The following HSDL2 variants were observed in gnomAD, a reference collection of about 807,000 sequenced individuals.
The protein encoded by HSDL2 is hydroxysteroid dehydrogenase-like protein 2.
A neutral mutation model predicts 46.3 loss-of-function variants in HSDL2; 27 were observed. The ratio of observed to expected loss-of-function variants is 0.58; its 90% CI spans 0.43 to 0.80. The LOEUF (loss-of-function observed/expected upper bound fraction) is 0.80. Ranked by LOEUF, HSDL2 falls within the 30% of genes least tolerant of loss-of-function variation. HSDL2 has a pLI of 0.00. For missense variants in HSDL2, 451 were observed against 502.7 expected (o/e 0.90, Z 0.98); for synonymous variants, 153 against 163.6 (o/e 0.94, Z 0.50).
At chr9:112,415,325 G>A (rs774072619) in intron 4 of HSDL2, among the ~76,000 whole-genome samples, 12 of 152,080 alleles carry the variant, frequency 7.9e-5, no homozygotes, top group Admixed American at 3.3e-4. Context: ...TAACAACAGC[G>A]ATTGTTTATT....
At chr9:112,384,568 T>C (rs1831178382) in intron 1 of HSDL2, among the ~76,000 whole-genome samples, 1 of 151,846 alleles carries the variant, frequency 6.6e-6, no homozygotes, top group Non-Finnish European at 1.5e-5. Flanking sequence ...TCCCAGCTAC[T>C]TGGGAAGCTG....
intron 1 of HSDL2, among the ~76,000 whole-genome samples, chr9:112,385,899 T>C (rs1489947172): frequency 5.3e-5 from 8 of 152,110 alleles, no homozygotes; most frequent in Non-Finnish European, 8.8e-5. Context: ...GAGCTGGGAT[T>C]ACAGGTGTTA....
intron 8 of HSDL2, among the ~76,000 whole-genome samples, chr9:112,449,325 G>A (rs992901361): frequency 6.6e-6 from 1 of 151,784 alleles, no homozygotes; most frequent in Non-Finnish European, 1.5e-5. Context: ...GACCTCAGGT[G>A]ATCCACCCAC....
chr9:112,403,556 A>G (rs890100096), intron 1 of HSDL2, among the ~76,000 whole-genome samples: 1 of 152,118 alleles, frequency 6.6e-6, no homozygotes, highest in African/African-American at 2.4e-5. Flanking sequence ...TAGGTAATTT[A>G]TTTTAAGTGG....
At chr9:112,456,588 ACT>A (rs1833032155) in intron 9 of HSDL2, among the ~76,000 whole-genome samples, 1 of 151,734 alleles carries the variant, frequency 6.6e-6, no homozygotes, top group South Asian at 2.1e-4. Flanking sequence ...CACTCTCGAC[ACT>A]CTATTCCTGA....
chr9:112,398,944 C>A (rs557502596), intron 1 of HSDL2, among the ~76,000 whole-genome samples: 1 of 152,280 alleles, frequency 6.6e-6, no homozygotes, highest in East Asian at 1.9e-4. Context: ...CCCATAGTTA[C>A]CCCGGACAAT....
chr9:112,430,099 AAG>A (rs1233192375), intron 6 of HSDL2, among the ~76,000 whole-genome samples: 1 of 152,082 alleles, frequency 6.6e-6, no homozygotes, highest in Non-Finnish European at 1.5e-5. Context: ...AAAAAAAAGA[AAG>A]AAAAGAGATG....
chr9:112,433,755 G>A (rs1370296642), intron 6 of HSDL2: 2 of 152,362 alleles, frequency 1.3e-5, no homozygotes, highest in South Asian at 2.1e-4. Flanking sequence ...AGACGACAGC[G>A]TAGAGTGACT....
At chr9:112,415,696 C>T (rs886176020) in intron 4 of HSDL2, among the ~76,000 whole-genome samples, 1 of 152,148 alleles carries the variant, frequency 6.6e-6, no homozygotes, top group Admixed American at 6.5e-5. Context: ...TTCCATCAAG[C>T]AGATCATGTT....
chr9:112,460,934 G>T (rs918882306), intron 10 of HSDL2, among the ~76,000 whole-genome samples: 4 of 151,932 alleles, frequency 2.6e-5, no homozygotes, highest in Admixed American at 6.6e-5. Context: ...TCATACATAT[G>T]TATATTTGTA....
intron 1 of HSDL2, among the ~76,000 whole-genome samples, chr9:112,390,597 T>C (rs552377183): frequency 7.9e-5 from 12 of 152,026 alleles, no homozygotes; most frequent in Non-Finnish European, 1.8e-4. Context: ...GGACTACAGG[T>C]GCACACCAAT....
At chr9:112,393,105 A>G (rs1213542387) in intron 1 of HSDL2, among the ~76,000 whole-genome samples, 1 of 152,170 alleles carries the variant, frequency 6.6e-6, no homozygotes, top group Non-Finnish European at 1.5e-5. Context: ...GATTAAACAG[A>G]GAAACATGAT....
At chr9:112,453,267 T>C (rs989229717) in intron 8 of HSDL2, among the ~76,000 whole-genome samples, 6 of 152,364 alleles carry the variant, frequency 3.9e-5, no homozygotes, top group African/African-American at 1.4e-4. Flanking sequence ...ACAGCTGATA[T>C]TTTGATTTCC....
intron 1 of HSDL2, among the ~76,000 whole-genome samples, chr9:112,385,495 ATTT>A (rs60858988): frequency 7.6e-6 from 1 of 130,850 alleles, no homozygotes. Context: ...CACCTGGCTA[ATTT>A]TTTTTTTTTT....
intron 10 of HSDL2, among the ~76,000 whole-genome samples, chr9:112,470,077 T>C (rs1024328957): frequency 2.6e-5 from 4 of 152,180 alleles, no homozygotes; most frequent in Non-Finnish European, 5.9e-5. Context: ...ATGTCAAAAG[T>C]TTAATGAACT....
chr9:112,442,341 G>A (rs1320083430), intron 8 of HSDL2, among the ~76,000 whole-genome samples: 2 of 149,164 alleles, frequency 1.3e-5, no homozygotes, highest in South Asian at 2.1e-4. Context: ...AAACAAGTCT[G>A]AAAAAACTTT....
At chr9:112,401,468 A>T (rs944443207) in intron 1 of HSDL2, among the ~76,000 whole-genome samples, 2 of 136,696 alleles carry the variant, frequency 1.5e-5, no homozygotes, top group South Asian at 2.4e-4. Flanking sequence ...AAAAAAAAAA[A>T]GTAGCAGAGA....
At chr9:112,430,238 A>C (rs1281138505) in intron 6 of HSDL2, among the ~76,000 whole-genome samples, 1 of 152,204 alleles carries the variant, frequency 6.6e-6, no homozygotes, top group East Asian at 1.9e-4. Flanking sequence ...TCTTGGGGGT[A>C]ATACAGTTAG....
At position 112,438,481 on chromosome 9, in the gene HSDL2, C is replaced by T; in HGVS notation, c.649C>T (p.Gln217Ter). 5.6e-6 allele frequency: 9 copies of T among 1,609,714 alleles called. No individual in the cohort carries two copies. Among genetic ancestry groups the T allele is most frequent in the Non-Finnish European group, 7.6e-6 (9 of 1,178,378 alleles). Reference protein sequence around the residue: ...DMLGGPGIESQCRKVDIIADA... With the variant: ...DMLGGPGIES ...GCTGGGAGGACCTGGTATCGAAAGC[C>T]AGTGTAGAAAAGTTGATATCATTGC... Residue 217 changes from glutamine to a stop codon, truncating the protein, a stop_gained, in exon 7 of 11, where the codon CAG becomes TAG. Transcript: ENST00000398805. LOFTEE classifies it high-confidence loss of function.
Sources: gnomAD v4.1 joint callset for allele counts (sites outside exome capture counted in the v4.1 genomes callset) on GRCh38, gnomAD v4.1.1 for gene constraint, MANE v1.5 for transcripts, NCBI Gene and HGNC (gene_info 2026-07-23, HGNC 2026-07-21) for gene names.